Variants in CSMD3 observed in about 807,000 individuals in gnomAD.
The protein encoded by CSMD3 is CUB and Sushi multiple domains 3, also known as CUB and sushi domain-containing protein 3.
In CSMD3, 177 loss-of-function variants were observed where a neutral mutation model predicts 435.2. That is an observed-to-expected ratio of 0.41 (90% CI 0.36 to 0.46). CSMD3 has a LOEUF of 0.46. CSMD3 is among the 20% of genes least tolerant of loss of function. CSMD3 has a pLI of 0.34. For synonymous variants in CSMD3, 1,656 were observed against 1,520.5 expected, an observed-to-expected ratio of 1.09 and a Z score of -2.07; for missense variants, 4,265 against 4,504.6, an observed-to-expected ratio of 0.95 and a Z score of 1.52.
intron 10 of CSMD3, among the ~76,000 whole-genome samples, chr8:112,888,495 C>T (rs188544702): frequency 6.6e-6 from 1 of 151,556 alleles, no homozygotes; most frequent in Non-Finnish European, 1.5e-5. Context: ...CAATGGGGAA[C>T]AGGTGAGGCG....
At chr8:113,193,430 T>G (rs2092612778) in intron 3 of CSMD3, among the ~76,000 whole-genome samples, 1 of 151,426 alleles carries the variant, frequency 6.6e-6, no homozygotes, top group African/African-American at 2.4e-5. Flanking sequence ...TTCCAGGAAT[T>G]CTGAGATATA....
chr8:112,736,385 G>A (rs575774326), intron 13 of CSMD3, among the ~76,000 whole-genome samples: 78 of 152,016 alleles, frequency 5.1e-4, no homozygotes, highest in Non-Finnish European at 1.0e-3. Flanking sequence ...CTCCTGCCTT[G>A]ACAGGCTTTC....
chr8:113,133,869 T>A, intron 4 of CSMD3, among the ~76,000 whole-genome samples: 1 of 152,034 alleles, frequency 6.6e-6, no homozygotes, highest in Non-Finnish European at 1.5e-5. Flanking sequence ...AAACAGAAAG[T>A]AGAATGGTGA....
chr8:112,591,173 C>T (rs1319357959), intron 22 of CSMD3, among the ~76,000 whole-genome samples: 1 of 151,966 alleles, frequency 6.6e-6, no homozygotes, highest in Non-Finnish European at 1.5e-5. Flanking sequence ...AAAAACAAGT[C>T]CTATTCATAT....
At chr8:113,431,416 A>G (rs2094672324) in intron 1 of CSMD3, among the ~76,000 whole-genome samples, 1 of 152,158 alleles carries the variant, frequency 6.6e-6, no homozygotes, top group African/African-American at 2.4e-5. Flanking sequence ...ATTTACAACC[A>G]TTTTATTTCT....
At chr8:112,530,547 A>G (rs962415869) in intron 27 of CSMD3, among the ~76,000 whole-genome samples, 1 of 152,184 alleles carries the variant, frequency 6.6e-6, no homozygotes, top group Non-Finnish European at 1.5e-5. Context: ...ATACACGGTC[A>G]AACTGTCTTT....
intron 4 of CSMD3, among the ~76,000 whole-genome samples, chr8:113,104,322 G>A (rs1204026846): frequency 1.3e-5 from 2 of 152,050 alleles, no homozygotes; most frequent in African/African-American, 4.8e-5. Context: ...ATTTCCATCA[G>A]CACTCAAGTG....
At chr8:113,000,943 C>A (rs1475616045) in intron 6 of CSMD3, among the ~76,000 whole-genome samples, 1 of 151,874 alleles carries the variant, frequency 6.6e-6, no homozygotes, top group African/African-American at 2.4e-5. Context: ...CTTTTTTCCC[C>A]CATCTAAATT....
In CSMD3 at chr8:112,265,405, T is replaced by C; in HGVS notation, c.9688+6A>G. On this transcript the variant is annotated splice_donor_region_variant and intron_variant, in intron 60 of 70. Coordinates refer to ENST00000297405, the MANE Select transcript of CSMD3 (RefSeq NM_198123.2). ...TTTTTAAATGTTGAAGAAATCATTATCATACCTCTACAAGTTGGCATTACT... is the reference window on the plus strand; with the variant it reads ...TTTTTAAATGTTGAAGAAATCATTACCATACCTCTACAAGTTGGCATTACT... 1.3e-6 allele frequency: 2 copies of C among 1,599,278 alleles called. No homozygotes were observed. The highest frequency in any genetic ancestry group is 1.7e-6 in the Non-Finnish European group (2 of 1,166,656).
intron 22 of CSMD3, among the ~76,000 whole-genome samples, chr8:112,616,141 T>A (rs1481266274): frequency 6.6e-6 from 1 of 152,136 alleles, no homozygotes. Context: ...TTACATAATC[T>A]CAAGTGCCTT....
intron 45 of CSMD3, among the ~76,000 whole-genome samples, chr8:112,324,134 T>G (rs980277796): frequency 1.3e-5 from 2 of 152,060 alleles, no homozygotes; most frequent in African/African-American, 4.8e-5. Context: ...GCAAGATCAT[T>G]ACCCTAATTC....
intron 3 of CSMD3, among the ~76,000 whole-genome samples, chr8:113,235,412 G>C (rs1396748040): frequency 6.6e-6 from 1 of 152,066 alleles, no homozygotes; most frequent in Non-Finnish European, 1.5e-5. Flanking sequence ...CATAGTCATA[G>C]CCAGACCTTT....
intron 6 of CSMD3, among the ~76,000 whole-genome samples, chr8:112,977,941 A>G (rs1044497583): frequency 1.3e-5 from 2 of 152,060 alleles, no homozygotes; most frequent in African/African-American, 4.8e-5. Context: ...ACTAAAATAC[A>G]GTAATTGAAC....
intron 32 of CSMD3, among the ~76,000 whole-genome samples, chr8:112,443,631 A>T (rs574578825): frequency 2.6e-5 from 4 of 152,172 alleles, no homozygotes; most frequent in African/African-American, 9.6e-5. Flanking sequence ...AAGGGAAAAA[A>T]GTAAAATGAG....
At chr8:113,410,090 T>C (rs141125907) in intron 1 of CSMD3, among the ~76,000 whole-genome samples, 66 of 152,338 alleles carry the variant, frequency 4.3e-4, no homozygotes, top group African/African-American at 1.5e-3. Flanking sequence ...AGTCCATGTA[T>C]GATAAATAAA....
At chr8:112,339,303 G>A (rs1824872900) in intron 42 of CSMD3, among the ~76,000 whole-genome samples, 1 of 151,932 alleles carries the variant, frequency 6.6e-6, no homozygotes, top group Non-Finnish European at 1.5e-5. Flanking sequence ...TGTGATCTTT[G>A]TAACTTCACT....
At chr8:112,544,445 TA>T (rs1563683615) in intron 27 of CSMD3, among the ~76,000 whole-genome samples, 1 of 152,182 alleles carries the variant, frequency 6.6e-6, no homozygotes, top group Non-Finnish European at 1.5e-5. Flanking sequence ...GTAAACATGA[TA>T]CACAAAATAA....
intron 1 of CSMD3, among the ~76,000 whole-genome samples, chr8:113,386,908 G>A (rs2094441804): frequency 6.6e-6 from 1 of 151,664 alleles, no homozygotes; most frequent in Non-Finnish European, 1.5e-5. Flanking sequence ...AAATTTACAC[G>A]AAAGAGTGGC....
chr8:112,236,795 C>T (rs1385177620), intron 67 of CSMD3, among the ~76,000 whole-genome samples: 1 of 151,974 alleles, frequency 6.6e-6, no homozygotes, highest in Non-Finnish European at 1.5e-5. Context: ...ATTGGATGTC[C>T]ATCTATAAAC....
Sources: gnomAD v4.1 joint callset for allele counts (sites outside exome capture counted in the v4.1 genomes callset) on GRCh38, gnomAD v4.1.1 for gene constraint, MANE v1.5 for transcripts, NCBI Gene and HGNC (gene_info 2026-07-23, HGNC 2026-07-21) for gene names.